SHROOM3: variants seen among roughly 807,000 people sequenced by gnomAD.
SHROOM3 encodes protein Shroom3.
SHROOM3 carries 47 observed loss-of-function variants against 138.6 expected under a neutral mutation model. The ratio of observed to expected loss-of-function variants is 0.34; its 90% CI spans 0.27 to 0.43. The LOEUF (loss-of-function observed/expected upper bound fraction) is 0.43. Among genes scored for constraint, SHROOM3 ranks in the 20% least tolerant of loss-of-function variants. The pLI, the probability that SHROOM3 is intolerant of heterozygous loss-of-function variation, is 1.00. For missense variants in SHROOM3, 2,491 were observed against 2,596.5 expected (o/e 0.96, Z 0.88); for synonymous variants, 1,062 against 1,063.3 (o/e 1.00, Z 0.02).
chr4:76,481,147 G>A (rs144325947), intron 1 of SHROOM3, among the ~76,000 whole-genome samples: 7,337 of 152,086 alleles, frequency 0.048, 206 homozygotes, highest in Middle Eastern at 0.075. Flanking sequence ...CAGAACTGAA[G>A]GAGATAGAGA....
chr4:76,562,146 C>T (rs990232425), intron 2 of SHROOM3, among the ~76,000 whole-genome samples: 12 of 152,086 alleles, frequency 7.9e-5, no homozygotes, highest in African/African-American at 2.4e-4. Flanking sequence ...GGAAATGCAC[C>T]GGACTACTTT....
At chr4:76,612,263 T>C (rs1293232770) in intron 2 of SHROOM3, among the ~76,000 whole-genome samples, 1 of 152,210 alleles carries the variant, frequency 6.6e-6, no homozygotes, top group Non-Finnish European at 1.5e-5. Flanking sequence ...GATTTTCTAG[T>C]TAAACCTCTG....
intron 1 of SHROOM3, among the ~76,000 whole-genome samples, chr4:76,553,907 T>C (rs1364472500): frequency 1.3e-5 from 2 of 152,242 alleles, no homozygotes; most frequent in East Asian, 3.8e-4. Flanking sequence ...CCTCCCCCAC[T>C]ATCAAAATCC....
At chr4:76,531,689 T>G (rs1292495952) in intron 1 of SHROOM3, among the ~76,000 whole-genome samples, 1 of 152,218 alleles carries the variant, frequency 6.6e-6, no homozygotes, top group Non-Finnish European at 1.5e-5. Context: ...AATGACAGTA[T>G]GTCTAGTCTA....
In SHROOM3 at chr4:76,755,156, A is replaced by C. The variant is rs138661793; in HGVS notation, c.4673A>C (p.Gln1558Pro). 2.8e-3 allele frequency: 4,558 copies of C among 1,612,496 alleles called. 33 individuals carry two copies. Among genetic ancestry groups the C allele is most frequent in the Middle Eastern group, 0.025 (153 of 6,062 alleles). Residue 1558 changes from glutamine (Q) to proline (P), a missense_variant, in exon 7 of 11, where the codon CAG (glutamine) becomes CCG (proline). By Grantham distance (76) the Gln-to-Pro change is moderately conservative. Transcript: ENST00000296043. ...PPPPHTVCEA[Q>P]LDSEDPEGPR... ...CCTCCCCACACTGTATGTGAGGCGC[A>C]GCTGGACAGTGAGGATCCCGAGGGG...
At chr4:76,572,954 C>T (rs531719073) in intron 2 of SHROOM3, among the ~76,000 whole-genome samples, 77 of 151,922 alleles carry the variant, frequency 5.1e-4, no homozygotes, top group African/African-American at 1.8e-3. Context: ...TGGTAGCACA[C>T]GCCTGTAGTC....
At chr4:76,728,652 C>G (rs1038117718) in intron 3 of SHROOM3, among the ~76,000 whole-genome samples, 4 of 152,214 alleles carry the variant, frequency 2.6e-5, no homozygotes, top group African/African-American at 9.6e-5. Flanking sequence ...GCATCTACTT[C>G]ATCTCCTTAG....
chr4:76,671,877 A>G (rs536867152), intron 2 of SHROOM3, among the ~76,000 whole-genome samples: 1 of 152,252 alleles, frequency 6.6e-6, no homozygotes, highest in African/African-American at 2.4e-5. Flanking sequence ...TTATATATTT[A>G]CCAGCTGAGC....
At chr4:76,492,052 C>T (rs886781030) in intron 1 of SHROOM3, among the ~76,000 whole-genome samples, 3 of 152,172 alleles carry the variant, frequency 2.0e-5, no homozygotes, top group South Asian at 2.1e-4. Flanking sequence ...ATCTTAGGCC[C>T]GCTTTGCTGC....
chr4:76,570,914 A>G (rs1334369140), intron 2 of SHROOM3, among the ~76,000 whole-genome samples: 2 of 152,198 alleles, frequency 1.3e-5, no homozygotes, highest in African/African-American at 4.8e-5. Flanking sequence ...GGCACTTGAC[A>G]CTAAATGTAC....
chr4:76,576,524 G>A (rs553102794), intron 2 of SHROOM3, among the ~76,000 whole-genome samples: 222 of 152,232 alleles, frequency 1.5e-3, no homozygotes, highest in African/African-American at 5.2e-3. Context: ...AGGCTGGTGG[G>A]GAGGTAGGGA....
chr4:76,603,551 G>T lies in SHROOM3; in HGVS notation c.323+47788G>T, dbSNP rs540897425. Reference sequence around the variant, plus strand: ...ATGTAGTATGACCATATAAAGTAATGGAATAAGACCACCATCTTGTATTCT... The same window carrying T: ...ATGTAGTATGACCATATAAAGTAATTGAATAAGACCACCATCTTGTATTCT... On this transcript the variant is annotated intron_variant, in intron 2 of 10. Coordinates refer to ENST00000296043, the MANE Select transcript of SHROOM3 (RefSeq NM_020859.4). Among the ~76,000 whole-genome samples, 52 of 151,908 alleles carry T rather than the reference G, an allele frequency of 3.4e-4. No individual in the cohort carries two copies. The South Asian group carries it at 3.8e-3, about 11-fold the overall frequency.
At chr4:76,528,633 C>T (rs1732757530) in intron 1 of SHROOM3, among the ~76,000 whole-genome samples, 1 of 146,338 alleles carries the variant, frequency 6.8e-6, no homozygotes, top group South Asian at 2.2e-4. Flanking sequence ...GCAACCTCTA[C>T]CTTCTACCTC....
rs6817268 is a variant in SHROOM3 at position 76,693,553 on chromosome 4, A to G, written c.324-16603A>G. ...CACATGCCACTATACCCAGCTAATT[A>G]TTTTTGTATTTTTAGTAGAGACTGG... On this transcript the variant is annotated intron_variant, in intron 2 of 10. Coordinates refer to ENST00000296043, the MANE Select transcript of SHROOM3 (RefSeq NM_020859.4). Among the ~76,000 whole-genome samples, 26 of 150,998 alleles carry G rather than the reference A, an allele frequency of 1.7e-4. No individual in the cohort carries two copies. The East Asian group carries it at 5.1e-3, about 29-fold the overall frequency.
intron 2 of SHROOM3, among the ~76,000 whole-genome samples, chr4:76,666,936 C>G (rs1368408910): frequency 6.6e-6 from 1 of 152,098 alleles, no homozygotes; most frequent in Non-Finnish European, 1.5e-5. Context: ...CATAGGTGAA[C>G]TTTGGGAATG....
At position 76,779,232 on chromosome 4, in the gene SHROOM3, C is replaced by A. The variant is rs201236757; in HGVS notation, c.*55C>A. ...ACTGTTTCTCTCAACACTATTTAAT[C>A]TGAAAAATGTTTCAGTACAAACCAC... On this transcript the variant is annotated 3_prime_UTR_variant, in exon 11 of 11. Transcript: ENST00000296043. 6.5e-6 allele frequency: 10 copies of A among 1,535,742 alleles called. No homozygotes were observed. Among genetic ancestry groups the A allele is most frequent in the Non-Finnish European group, 8.7e-6 (10 of 1,144,266 alleles).
intron 2 of SHROOM3, chr4:76,688,559 C>T: frequency 1.0e-6 from 1 of 985,252 alleles, no homozygotes; most frequent in Non-Finnish European, 1.2e-6. Flanking sequence ...GGAGGTGACA[C>T]GTGAGAGCAA....
At chr4:76,455,801 T>C (rs1731015438) in intron 1 of SHROOM3, among the ~76,000 whole-genome samples, 1 of 152,068 alleles carries the variant, frequency 6.6e-6, no homozygotes, top group Non-Finnish European at 1.5e-5. Flanking sequence ...GAATAAAAAT[T>C]GGTTGAGTCT....
In SHROOM3 at chr4:76,582,891, G is replaced by A. The variant is rs28384286; in HGVS notation, c.323+27128G>A. 8.2e-3 allele frequency among the ~76,000 whole-genome samples: 1,242 copies of A among 152,214 alleles called. 14 individuals carry two copies. Among genetic ancestry groups the A allele is most frequent in the African/African-American group, 0.027 (1,138 of 41,528 alleles). ...CCTCCCTTCTGGTCCAGTGTGCAGC[G>A]GGGTCCACAGCACTGCTTCCAGATT... On this transcript the variant is annotated intron_variant, in intron 2 of 10. Coordinates refer to ENST00000296043, the MANE Select transcript of SHROOM3 (RefSeq NM_020859.4).
Sources: allele counts gnomAD v4.1 joint callset (sites outside exome capture counted in the v4.1 genomes callset), GRCh38; gene constraint gnomAD v4.1.1; transcripts MANE v1.5; gene names NCBI Gene and HGNC (gene_info 2026-07-23, HGNC 2026-07-21).